The following TMOD1 variants were observed in gnomAD, a reference collection of about 807,000 sequenced individuals.
The protein encoded by TMOD1 is tropomodulin-1.
TMOD1 carries 17 observed loss-of-function variants against 40.6 expected under a neutral mutation model. The ratio of observed to expected loss-of-function variants is 0.42; its 90% CI spans 0.29 to 0.63. The LOEUF (loss-of-function observed/expected upper bound fraction) is 0.63. Ranked by LOEUF, TMOD1 falls within the 20% of genes least tolerant of loss-of-function variation. The pLI is 0.22. For synonymous variants in TMOD1, 181 were observed against 175.0 expected (o/e 1.03, Z -0.27); for missense variants, 391 against 447.6 (o/e 0.87, Z 1.14).
intron 3 of TMOD1, among the ~76,000 whole-genome samples, chr9:97,548,048 A>G (rs149643598): frequency 1.3e-4 from 20 of 152,320 alleles, no homozygotes; most frequent in Admixed American, 9.1e-4. Context: ...TGTTCCTGGC[A>G]CCTAATAAAT....
At chr9:97,576,073 C>T (rs1587953989) in intron 8 of TMOD1, among the ~76,000 whole-genome samples, 1 of 152,162 alleles carries the variant, frequency 6.6e-6, no homozygotes, top group Non-Finnish European at 1.5e-5. Context: ...TACACCAGGG[C>T]GTCCCGTGAA....
chr9:97,598,493 C>T (rs767657691), intron 9 of TMOD1, among the ~76,000 whole-genome samples: 2 of 152,138 alleles, frequency 1.3e-5, no homozygotes, highest in Non-Finnish European at 2.9e-5. Context: ...TGAGGATGGC[C>T]CTGGTGGGCA....
Position 97,591,441 on chromosome 9 carries a change from T to C in TMOD1, c.1015+6T>C, listed in dbSNP as rs1430161502. 5 of 1,613,628 alleles carry C rather than the reference T, an allele frequency of 3.1e-6. No individual in the cohort carries two copies. On this transcript the variant is annotated splice_donor_region_variant and intron_variant, in intron 9 of 9. Transcript: ENST00000259365. Reference sequence around the variant, plus strand: ...GATGAACAACAATGACCTTGGTGAGTAGAAATATGCTTCCTGCCCTGCCCG... The same window carrying C: ...GATGAACAACAATGACCTTGGTGAGCAGAAATATGCTTCCTGCCCTGCCCG...
chr9:97,566,104 T>G, intron 7 of TMOD1, 149 bp downstream of exon 7: 1 of 615,032 alleles, frequency 1.6e-6, no homozygotes, highest in Non-Finnish European at 2.8e-6. Context: ...ATGAGGGGTG[T>G]AGAGGGAACA....
At chr9:97,598,164 AC>A (rs1047454676) in intron 9 of TMOD1, among the ~76,000 whole-genome samples, 4 of 152,006 alleles carry the variant, frequency 2.6e-5, no homozygotes, top group African/African-American at 7.2e-5. Context: ...CCCCATCTCT[AC>A]TAAAAACACA....
chr9:97,520,775 C>A (rs1481093258), intron 1 of TMOD1, among the ~76,000 whole-genome samples: 1 of 152,066 alleles, frequency 6.6e-6, no homozygotes, highest in Non-Finnish European at 1.5e-5. Flanking sequence ...CATGATTTGC[C>A]CCCCTCAGGG....
At chr9:97,587,085 G>A (rs574598991) in intron 8 of TMOD1, among the ~76,000 whole-genome samples, 3 of 152,272 alleles carry the variant, frequency 2.0e-5, no homozygotes, top group South Asian at 2.1e-4. Context: ...TGTACCAATC[G>A]TTTGCTCTTT....
intron 9 of TMOD1, among the ~76,000 whole-genome samples, chr9:97,594,306 G>A (rs1826060519): frequency 6.6e-6 from 1 of 152,204 alleles, no homozygotes; most frequent in Non-Finnish European, 1.5e-5. Context: ...GCTAATTTTT[G>A]TAAGAGAAAT....
In TMOD1 at chr9:97,600,380, G is replaced by C. The variant is rs1205516790; in HGVS notation, c.*682G>C. 3.0e-6 allele frequency: 3 copies of C among 985,758 alleles called. No individual in the cohort carries two copies. The highest frequency in any genetic ancestry group is 3.6e-6 in the Non-Finnish European group (3 of 830,140). 61.1% of individuals were successfully genotyped at this position (985,758 alleles called of 1,614,324 possible). A position where few individuals can be genotyped will look rare whatever the true frequency, so the allele number is the denominator to read the frequency against. On this transcript the variant is annotated 3_prime_UTR_variant, in exon 10 of 10. Coordinates refer to ENST00000259365, the MANE Select transcript of TMOD1 (RefSeq NM_003275.4). Reference sequence around the variant, plus strand: ...ACCAACCTTTCATTACCAATCCCAGGCAACAAACATGTCCCTGAGTGTTCT... The same window carrying C: ...ACCAACCTTTCATTACCAATCCCAGCCAACAAACATGTCCCTGAGTGTTCT...
intron 9 of TMOD1, 143 bp from the exon 10 acceptor site, chr9:97,599,491 C>A: frequency 2.0e-6 from 2 of 978,916 alleles, no homozygotes; most frequent in South Asian, 1.5e-5. Flanking sequence ...ACAACTCACA[C>A]ATACTGTCCT....
intron 8 of TMOD1, among the ~76,000 whole-genome samples, chr9:97,579,088 C>A (rs77505732): frequency 6.6e-6 from 1 of 152,248 alleles, no homozygotes; most frequent in African/African-American, 2.4e-5. Context: ...CCAGAGGGGC[C>A]GGTGGAATTT....
intron 9 of TMOD1, among the ~76,000 whole-genome samples, chr9:97,599,149 T>C (rs1826190023): frequency 1.3e-5 from 2 of 152,154 alleles, no homozygotes; most frequent in Non-Finnish European, 2.9e-5. Context: ...ATGGCAAGGT[T>C]AAACATAAGG....
At chr9:97,585,837 C>T (rs1322409873) in intron 8 of TMOD1, among the ~76,000 whole-genome samples, 2 of 137,666 alleles carry the variant, frequency 1.5e-5, no homozygotes, top group Non-Finnish European at 3.1e-5. Context: ...AGTTCTCGAG[C>T]CTTGGTTTTC....
At chr9:97,595,570 C>T (rs540578660) in intron 9 of TMOD1, among the ~76,000 whole-genome samples, 8 of 139,484 alleles carry the variant, frequency 5.7e-5, no homozygotes, top group South Asian at 2.2e-4. Flanking sequence ...AAGGCTGAAT[C>T]GTACTCCATT....
chr9:97,535,005 C>A (rs1374723258), intron 2 of TMOD1, among the ~76,000 whole-genome samples: 1 of 152,158 alleles, frequency 6.6e-6, no homozygotes, highest in Non-Finnish European at 1.5e-5. Context: ...ATGGAGCAGC[C>A]TGGAGTGGCT....
intron 2 of TMOD1, among the ~76,000 whole-genome samples, chr9:97,542,273 A>G (rs1004159119): frequency 6.6e-6 from 1 of 152,226 alleles, no homozygotes; most frequent in African/African-American, 2.4e-5. Flanking sequence ...TAAACATACC[A>G]TTTAATAGAA....
intron 1 of TMOD1, among the ~76,000 whole-genome samples, chr9:97,519,732 A>G (rs1829885092): frequency 6.6e-6 from 1 of 152,226 alleles, no homozygotes; most frequent in Non-Finnish European, 1.5e-5. Context: ...GGCCAGGCAC[A>G]GGGCAAGGCA....
chr9:97,568,385 C>T (rs1830765408), intron 7 of TMOD1, among the ~76,000 whole-genome samples: 1 of 152,146 alleles, frequency 6.6e-6, no homozygotes, highest in South Asian at 2.1e-4. Context: ...CCAAGGTCCA[C>T]AATGAGGGAA....
intron 2 of TMOD1, among the ~76,000 whole-genome samples, chr9:97,526,953 A>T (rs1830023369): frequency 6.6e-6 from 1 of 152,154 alleles, no homozygotes; most frequent in Non-Finnish European, 1.5e-5. Context: ...GCCCCATAGA[A>T]TTACACATCT....
Sources: allele counts gnomAD v4.1 joint callset (sites outside exome capture counted in the v4.1 genomes callset), GRCh38; gene constraint gnomAD v4.1.1; transcripts MANE v1.5; gene names NCBI Gene and HGNC (gene_info 2026-07-23, HGNC 2026-07-21).